Variants in STARD13 observed in about 807,000 individuals in gnomAD.
STARD13 encodes StAR related lipid transfer domain containing 13, also known as stAR-related lipid transfer protein 13.
STARD13 carries 62 observed loss-of-function variants against 106.4 expected under a neutral mutation model. The observed-to-expected ratio is 0.58, with a 90% confidence interval of 0.48 to 0.72. STARD13 has a LOEUF of 0.72. Ranked by LOEUF, STARD13 falls within the 30% of genes least tolerant of loss-of-function variation. The probability of loss-of-function intolerance (pLI) is 0.00; values close to 1 mark genes in which losing one functional copy is unlikely to be tolerated. For synonymous variants in STARD13, 565 were observed against 553.0 expected (o/e 1.02, Z -0.31); for missense variants, 1,387 against 1,424.0 (o/e 0.97, Z 0.42).
chr13:33,360,396 G>A, the STARD13 span, among the ~76,000 whole-genome samples: 3 of 151,958 alleles, frequency 2.0e-5, no homozygotes, highest in South Asian at 6.2e-4. Context: ...AGTAGAGACA[G>A]GGTTTCACCG....
downstream of STARD13, among the ~76,000 whole-genome samples, chr13:33,347,146 T>C (rs2078025963): frequency 6.6e-6 from 1 of 152,258 alleles, no homozygotes; most frequent in Non-Finnish European, 1.5e-5. Context: ...TATACAGTTA[T>C]ACACCACGCA....
At chr13:33,124,975 G>A (rs1876943746) in intron 7 of STARD13, among the ~76,000 whole-genome samples, 1 of 152,194 alleles carries the variant, frequency 6.6e-6, no homozygotes, top group African/African-American at 2.4e-5. Flanking sequence ...GTTATGTGCA[G>A]ATTCTCTAAA....
At chr13:33,292,405 ACATGGCAAAAACC>A (rs946909513) in intron 1 of STARD13, among the ~76,000 whole-genome samples, 3 of 151,572 alleles carry the variant, frequency 2.0e-5, no homozygotes, top group African/African-American at 7.3e-5. Context: ...AGCCTGGGCA[ACATGGCAAAAACC>A]CATCTCTACA....
chr13:33,537,062 T>G, the STARD13 span, among the ~76,000 whole-genome samples: 352 of 152,360 alleles, frequency 2.3e-3, no homozygotes, highest in African/African-American at 8.2e-3. Flanking sequence ...ATTTCAGGAT[T>G]CATTAAATAG....
At chr13:33,266,617 C>T (rs758670095) in intron 1 of STARD13, among the ~76,000 whole-genome samples, 4 of 152,198 alleles carry the variant, frequency 2.6e-5, no homozygotes, top group Non-Finnish European at 4.4e-5. Flanking sequence ...CTGCTTAGGA[C>T]AACTCTGCGA....
chr13:33,630,857 G>A, the STARD13 span, among the ~76,000 whole-genome samples: 1 of 152,186 alleles, frequency 6.6e-6, no homozygotes, highest in African/African-American at 2.4e-5. Flanking sequence ...ATGCAAGAAA[G>A]ACATTTGTTT....
At chr13:33,464,375 T>C in the STARD13 span, among the ~76,000 whole-genome samples, 3 of 152,180 alleles carry the variant, frequency 2.0e-5, no homozygotes, top group Non-Finnish European at 4.4e-5. Flanking sequence ...AAGTCAATTA[T>C]TGTAACACAT....
the STARD13 span, among the ~76,000 whole-genome samples, chr13:33,421,118 GAGAT>G: frequency 6.6e-6 from 1 of 152,160 alleles, no homozygotes; most frequent in Admixed American, 6.5e-5. Flanking sequence ...AGAACTGAAA[GAGAT>G]AGACACAAAA....
At chr13:33,337,936 G>T (rs1401786908) in intron 1 of STARD13, among the ~76,000 whole-genome samples, 2 of 152,206 alleles carry the variant, frequency 1.3e-5, no homozygotes, top group Non-Finnish European at 2.9e-5. Flanking sequence ...TATGCATGGG[G>T]CCCTGTGTGA....
chr13:33,140,473 A>T lies in STARD13; in HGVS notation c.387+1837T>A, dbSNP rs150058809. Among the ~76,000 whole-genome samples, 169 of 152,298 alleles carry T rather than the reference A, an allele frequency of 1.1e-3. 1 individual carries two copies. The highest frequency in any genetic ancestry group is 3.8e-3 in the African/African-American group (156 of 41,570). ...GTTGGGAGGTTTATTCCCACATTTT[A>T]AATTTGTCTTTGGCCTGGACAAACT... On this transcript the variant is annotated intron_variant, in intron 4 of 13. Coordinates refer to ENST00000336934, the MANE Select transcript of STARD13 (RefSeq NM_178006.4).
Position 33,230,665 on chromosome 13 carries a change from T to C in STARD13, c.169+54805A>G, listed in dbSNP as rs768424573. ...CTCAGCCTATTTCCTGTTATCCTCA[T>C]GTTGATTCATCTGAGAATCACATTA... is the stretch of plus-strand genomic sequence containing the variant. On this transcript the variant is annotated intron_variant, in intron 1 of 13. Coordinates refer to ENST00000336934, the MANE Select transcript of STARD13 (RefSeq NM_178006.4). Among the ~76,000 whole-genome samples, 44 of 152,268 alleles carry C rather than the reference T, an allele frequency of 2.9e-4. 1 individual carries two copies. The highest frequency in any genetic ancestry group is 2.8e-3 in the Admixed American group (43 of 15,294).
At chr13:33,542,374 C>T in the STARD13 span, among the ~76,000 whole-genome samples, 2 of 152,250 alleles carry the variant, frequency 1.3e-5, no homozygotes, top group African/African-American at 4.8e-5. Context: ...CATTAATTTT[C>T]CATAAAGCCT....
the STARD13 span, among the ~76,000 whole-genome samples, chr13:33,604,921 T>TTCTACTC: frequency 6.6e-6 from 1 of 152,036 alleles, no homozygotes. Context: ...ATAGAGAGTT[T>TTCTACTC]TCTACTCACA....
chr13:33,482,806 C>T, the STARD13 span, among the ~76,000 whole-genome samples: 1 of 152,162 alleles, frequency 6.6e-6, no homozygotes, highest in Non-Finnish European at 1.5e-5. Flanking sequence ...TAGAATCCAA[C>T]TTGAAGTTTG....
chr13:33,656,465 A>C, the STARD13 span, among the ~76,000 whole-genome samples: 3 of 152,216 alleles, frequency 2.0e-5, no homozygotes, highest in Non-Finnish European at 4.4e-5. Flanking sequence ...AAAATTGAAA[A>C]TCTGGACACT....
At chr13:33,231,427 A>G (rs1000712118) in intron 1 of STARD13, among the ~76,000 whole-genome samples, 1 of 151,528 alleles carries the variant, frequency 6.6e-6, no homozygotes, top group Non-Finnish European at 1.5e-5. Flanking sequence ...TAGTCCTGGG[A>G]CTCCTATAAC....
chr13:33,167,539 G>C lies in STARD13; in HGVS notation c.241+12C>G, dbSNP rs766692271. 1 of 1,613,896 alleles carries C rather than the reference G, an allele frequency of 6.2e-7. No individual in the cohort carries two copies. The highest frequency in any genetic ancestry group is 2.2e-5 in the East Asian group (1 of 44,882). ...ATTCTCTGTGTAAGAGCGAAGCGAA[G>C]GGCTGACGTACCCTCATATAACTGA... On this transcript the variant is annotated intron_variant, in intron 2 of 13. Transcript: ENST00000336934.
the STARD13 span, among the ~76,000 whole-genome samples, chr13:33,370,061 A>G: frequency 2.6e-5 from 4 of 152,224 alleles, no homozygotes; most frequent in African/African-American, 9.6e-5. Flanking sequence ...AGAACAATTT[A>G]TAGCTTCTCT....
intron 4 of STARD13, among the ~76,000 whole-genome samples, chr13:33,137,394 G>C (rs1879200319): frequency 6.6e-6 from 1 of 152,222 alleles, no homozygotes; most frequent in Non-Finnish European, 1.5e-5. Context: ...CGTAGCTATT[G>C]ATCCAATAAA....
Sources: gnomAD v4.1 joint callset for allele counts (sites outside exome capture counted in the v4.1 genomes callset) on GRCh38, gnomAD v4.1.1 for gene constraint, MANE v1.5 for transcripts, NCBI Gene and HGNC (gene_info 2026-07-23, HGNC 2026-07-21) for gene names.